The following GRIK2 variants were observed in gnomAD, a reference collection of about 807,000 sequenced individuals.
The protein encoded by GRIK2 is glutamate ionotropic receptor kainate type subunit 2.
A neutral mutation model predicts 100.3 loss-of-function variants in GRIK2; 32 were observed. That is an observed-to-expected ratio of 0.32 (90% CI 0.24 to 0.43). The LOEUF is 0.43. GRIK2 is among the 20% of genes least tolerant of loss of function. The pLI is 1.00. For synonymous variants in GRIK2, 417 were observed against 389.4 expected (o/e 1.07, Z -0.83); for missense variants, 843 against 1,114.9 (o/e 0.76, Z 3.47).
At position 101,594,831 on chromosome 6, in the gene GRIK2, C is replaced by T. The variant is rs1016335521; in HGVS notation, c.116-27118C>T. 8.6e-5 allele frequency among the ~76,000 whole-genome samples: 13 copies of T among 151,492 alleles called. 1 individual carries two copies. Among genetic ancestry groups the T allele is most frequent in the Admixed American group, 4.0e-4 (6 of 15,134 alleles). Reference sequence around the variant, plus strand: ...AAAGCATGGATGAAGGCAGATAGGGCGGTGAATTACAGGGAATCAGAATTG... The same window carrying T: ...AAAGCATGGATGAAGGCAGATAGGGTGGTGAATTACAGGGAATCAGAATTG... On this transcript the variant is annotated intron_variant, in intron 2 of 16. Transcript: ENST00000369134.
At chr6:102,037,075 T>C (rs905764351) in intron 15 of GRIK2, among the ~76,000 whole-genome samples, 4 of 151,240 alleles carry the variant, frequency 2.6e-5, no homozygotes, top group African/African-American at 4.8e-5. Flanking sequence ...TAATATTACA[T>C]TTGGAAAATC....
chr6:101,786,420 T>G (rs1324059642), intron 7 of GRIK2, among the ~76,000 whole-genome samples: 3 of 152,044 alleles, frequency 2.0e-5, no homozygotes, highest in Non-Finnish European at 4.4e-5. Context: ...ATACATTATG[T>G]TATTTGTAGG....
chr6:101,937,118 G>A (rs1790666260), intron 14 of GRIK2, among the ~76,000 whole-genome samples: 2 of 152,062 alleles, frequency 1.3e-5, no homozygotes, highest in South Asian at 4.1e-4. Flanking sequence ...GCAGCTTTGG[G>A]CGCTTTAACT....
chr6:101,813,164 T>C (rs1218618138), intron 9 of GRIK2, among the ~76,000 whole-genome samples: 4 of 151,676 alleles, frequency 2.6e-5, no homozygotes, highest in African/African-American at 7.3e-5. Flanking sequence ...CACACACATA[T>C]ACACACACAT....
intron 7 of GRIK2, among the ~76,000 whole-genome samples, chr6:101,731,548 C>T (rs919224291): frequency 6.6e-6 from 1 of 151,802 alleles, no homozygotes; most frequent in African/African-American, 2.4e-5. Context: ...CTATACCATA[C>T]CTATTATATA....
chr6:101,394,945 TA>T (rs906517619), intron 1 of GRIK2, among the ~76,000 whole-genome samples: 73 of 149,964 alleles, frequency 4.9e-4, no homozygotes, highest in African/African-American at 7.3e-4. Context: ...GGCTGAAATT[TA>T]AAAAAAAAAG....
In GRIK2 at chr6:101,737,964, C is replaced by T. The variant is rs561631417; in HGVS notation, c.951+51611C>T. On this transcript the variant is annotated intron_variant, in intron 7 of 16. Coordinates refer to ENST00000369134, the MANE Select transcript of GRIK2 (RefSeq NM_021956.5). ...AGAATAATTAAATGAGCTCTGGAGG[C>T]AAATGAATTATTGACTACTTACAAA... is the stretch of plus-strand genomic sequence containing the variant. 1.3e-4 allele frequency among the ~76,000 whole-genome samples: 20 copies of T among 152,122 alleles called. 1 individual carries two copies. The South Asian group carries it at 3.5e-3, about 27-fold the overall frequency.
chr6:101,903,145 G>T, intron 12 of GRIK2, among the ~76,000 whole-genome samples: 1 of 151,876 alleles, frequency 6.6e-6, no homozygotes, highest in Non-Finnish European at 1.5e-5. Flanking sequence ...ATTCAGAAAG[G>T]AGATGCTTCC....
At chr6:101,611,772 C>G (rs532413534) in intron 2 of GRIK2, among the ~76,000 whole-genome samples, 5 of 151,880 alleles carry the variant, frequency 3.3e-5, no homozygotes, top group Admixed American at 6.6e-5. Context: ...ACATAATCAC[C>G]TTTTGGGAAG....
At chr6:101,585,098 T>C (rs1778292472) in intron 2 of GRIK2, among the ~76,000 whole-genome samples, 1 of 152,014 alleles carries the variant, frequency 6.6e-6, no homozygotes, top group South Asian at 2.1e-4. Flanking sequence ...AGCAAGTTTA[T>C]AATAATCTCC....
At position 101,434,296 on chromosome 6, in the gene GRIK2, AAGAGTGACGTGGCCTG is replaced by A. The variant is rs1198583449; in HGVS notation, c.115+34909_115+34924del. Among the ~76,000 whole-genome samples, 3 of 152,242 alleles carry A rather than the reference AAGAGTGACGTGGCCTG, an allele frequency of 2.0e-5. No homozygotes were observed. In the East Asian group the frequency reaches 5.8e-4, roughly 29 times the overall value. ...AGGAAAGTCTCTGTAATCAACCCTAAAGAGTGACGTGGCCTGAGAGATGAGTTCTCATACAAGTCTC... is the reference window on the plus strand; with the variant it reads ...AGGAAAGTCTCTGTAATCAACCCTAAAGAGATGAGTTCTCATACAAGTCTC... On this transcript the variant is annotated intron_variant, in intron 2 of 16. Transcript: ENST00000369134.
Position 101,676,718 on chromosome 6 carries a change from C to A in GRIK2, c.637C>A (p.Pro213Thr), listed in dbSNP as rs781118131. 116 of 1,606,354 alleles carry A rather than the reference C, an allele frequency of 7.2e-5. 1 individual carries two copies. In the South Asian group the frequency reaches 1.3e-3, roughly 18 times the overall value. ...ACCTGCTGATACAAAGGATGCAAAACCCTTACTAAAAGAAATGAAAAGAGG... is the reference window on the plus strand; with the variant it reads ...ACCTGCTGATACAAAGGATGCAAAAACCTTACTAAAAGAAATGAAAAGAGG... ...QLPADTKDAK[P>T]LLKEMKRGKE... The change falls in exon 5 of 17, where the codon CCC becomes ACC. Residue 213 changes from proline (P) to threonine (T), a missense_variant. By Grantham distance (38) the Pro-to-Thr change is conservative. Transcript: ENST00000369134.
chr6:101,430,972 T>G (rs1769349851), intron 2 of GRIK2: 1 of 278,426 alleles, frequency 3.6e-6, no homozygotes, highest in South Asian at 4.8e-5. Context: ...AAGATGGCAC[T>G]GTGTAAGTGA....
At chr6:101,500,692 A>G (rs996770315) in intron 2 of GRIK2, among the ~76,000 whole-genome samples, 46 of 152,230 alleles carry the variant, frequency 3.0e-4, no homozygotes, top group African/African-American at 9.9e-4. Context: ...AAGCAACTAT[A>G]TAAGACTAAA....
chr6:101,603,415 C>A (rs181121560), intron 2 of GRIK2, among the ~76,000 whole-genome samples: 1 of 151,452 alleles, frequency 6.6e-6, no homozygotes, highest in Non-Finnish European at 1.5e-5. Flanking sequence ...TAAATAACCA[C>A]GATTTGGAAA....
intron 2 of GRIK2, among the ~76,000 whole-genome samples, chr6:101,571,252 G>C (rs1254176848): frequency 6.6e-6 from 1 of 152,180 alleles, no homozygotes; most frequent in East Asian, 1.9e-4. Flanking sequence ...ATGATGGTTT[G>C]CTGCACCCAT....
At chr6:101,679,242 G>T (rs976439942) in intron 5 of GRIK2, among the ~76,000 whole-genome samples, 1 of 152,116 alleles carries the variant, frequency 6.6e-6, no homozygotes, top group African/African-American at 2.4e-5. Context: ...AAAAATTGAA[G>T]AAATGTGTAT....
chr6:101,517,105 T>C (rs903637670), intron 2 of GRIK2, among the ~76,000 whole-genome samples: 3 of 152,118 alleles, frequency 2.0e-5, no homozygotes, highest in Admixed American at 1.3e-4. Context: ...TCACTTTTAA[T>C]TTTTTATTTA....
intron 7 of GRIK2, among the ~76,000 whole-genome samples, chr6:101,798,917 A>C (rs1163285066): frequency 6.6e-6 from 1 of 152,142 alleles, no homozygotes; most frequent in Non-Finnish European, 1.5e-5. Context: ...GTGCAAACAC[A>C]GTAGAATTCA....
Sources: gnomAD v4.1 joint callset for allele counts (sites outside exome capture counted in the v4.1 genomes callset) on GRCh38, gnomAD v4.1.1 for gene constraint, MANE v1.5 for transcripts, NCBI Gene and HGNC (gene_info 2026-07-23, HGNC 2026-07-21) for gene names.